The following FOXP1 variants were observed in gnomAD, a reference collection of about 807,000 sequenced individuals.
FOXP1 encodes the protein forkhead box P1, also known as forkhead box protein P1.
FOXP1 carries 15 observed loss-of-function variants against 98.2 expected under a neutral mutation model. The ratio of observed to expected loss-of-function variants is 0.15; its 90% CI spans 0.10 to 0.24. The LOEUF (loss-of-function observed/expected upper bound fraction) is 0.24, where lower values mean the gene tolerates loss of function less well. Among genes scored for constraint, FOXP1 ranks in the 10% least tolerant of loss-of-function variants. The pLI is 1.00. For missense variants in FOXP1, 633 were observed against 848.5 expected (o/e 0.75, Z 3.15); for synonymous variants, 371 against 314.5 (o/e 1.18, Z -1.90).
chr3:71,551,834 T>A (rs1466896909), intron 2 of FOXP1, among the ~76,000 whole-genome samples: 1 of 152,198 alleles, frequency 6.6e-6, no homozygotes, highest in African/African-American at 2.4e-5. Context: ...ATGGAAAGAA[T>A]TTAAAGGATG....
At chr3:71,277,611 A>G (rs1460664033) in intron 5 of FOXP1, among the ~76,000 whole-genome samples, 1 of 152,060 alleles carries the variant, frequency 6.6e-6, no homozygotes. Flanking sequence ...TATTCCAGCC[A>G]TGCAGGCCTT....
chr3:71,146,906 T>A lies in FOXP1; in HGVS notation c.181-34269A>T, dbSNP rs2060337030. ...TCTGAGCACAGCGCGGGGAACAATG[T>A]TAAGCCATCCATCACCAGCGAGCGC... On this transcript the variant is annotated intron_variant, in intron 6 of 20. Transcript: ENST00000649528. 3.3e-5 allele frequency among the ~76,000 whole-genome samples: 5 copies of A among 152,330 alleles called. No homozygotes were observed. In the South Asian group the frequency reaches 1.0e-3, roughly 32 times the overall value.
chr3:71,286,183 A>G (rs1298454464), intron 5 of FOXP1, among the ~76,000 whole-genome samples: 3 of 152,194 alleles, frequency 2.0e-5, no homozygotes, highest in Non-Finnish European at 4.4e-5. Context: ...ATGGGACCAC[A>G]GTCATATATG....
At chr3:71,244,504 A>G (rs1372232650) in intron 5 of FOXP1, among the ~76,000 whole-genome samples, 7 of 7,120 alleles carry the variant, frequency 9.8e-4, no homozygotes, top group African/African-American at 8.3e-3. Flanking sequence ...TGAAAAAGGG[A>G]AAAAAAAAAA....
At chr3:71,580,246 TG>T (rs2048057330) in intron 2 of FOXP1, among the ~76,000 whole-genome samples, 1 of 141,524 alleles carries the variant, frequency 7.1e-6, no homozygotes, top group Non-Finnish European at 1.5e-5. Context: ...CTAAGGGGGG[TG>T]GGGGATGCAG....
At chr3:71,135,025 G>A (rs564516059) in intron 6 of FOXP1, among the ~76,000 whole-genome samples, 5 of 152,150 alleles carry the variant, frequency 3.3e-5, no homozygotes, top group African/African-American at 7.2e-5. Context: ...TTGGGAGGCC[G>A]AGGTGGGCGG....
intron 7 of FOXP1, among the ~76,000 whole-genome samples, chr3:71,095,200 C>A (rs1480484765): frequency 6.6e-6 from 1 of 152,124 alleles, no homozygotes; most frequent in Non-Finnish European, 1.5e-5. Context: ...GTTCATAAGT[C>A]AAAAAATATA....
chr3:70,968,508 T>C (rs1258898073), intron 19 of FOXP1: 1 of 152,100 alleles, frequency 6.6e-6, no homozygotes, highest in Non-Finnish European at 1.5e-5. Context: ...GTTGCTTAAG[T>C]AATGGTGCAG....
intron 5 of FOXP1, among the ~76,000 whole-genome samples, chr3:71,198,757 A>G (rs1223643863): frequency 1.3e-5 from 2 of 151,906 alleles, no homozygotes; most frequent in African/African-American, 2.4e-5. Context: ...CAGCGGTGCA[A>G]TCTCGGCTCA....
chr3:71,348,561 G>GCA lies in FOXP1; in HGVS notation c.-73+10587_-73+10588dup, dbSNP rs755611129. ...TGTGTGTGTGTGTGCGTGCGCGCGCGCACGCATATGCATGTGTGTATAAGT... is the reference window on the plus strand; with the variant it reads ...TGTGTGTGTGTGTGCGTGCGCGCGCGCACACGCATATGCATGTGTGTATAAGT... On this transcript the variant is annotated intron_variant, in intron 4 of 20. Transcript: ENST00000649528. Among the ~76,000 whole-genome samples the GCA allele has an allele frequency of 5.9e-3, 837 of 140,722 alleles. 8 individuals are homozygous for GCA. The highest frequency in any genetic ancestry group is 8.7e-3 in the Non-Finnish European group (534 of 61,440). The allele number at this position is 140,722 out of a possible 152,430, so 92.3% of individuals were successfully genotyped here.
At chr3:71,260,441 T>G (rs544619995) in intron 5 of FOXP1, among the ~76,000 whole-genome samples, 1 of 152,362 alleles carries the variant, frequency 6.6e-6, no homozygotes, top group African/African-American at 2.4e-5. Context: ...GCTTTACACT[T>G]TACGATGAAG....
At chr3:71,274,581 T>G (rs929784305) in intron 5 of FOXP1, among the ~76,000 whole-genome samples, 2 of 152,222 alleles carry the variant, frequency 1.3e-5, no homozygotes, top group Non-Finnish European at 2.9e-5. Context: ...AAGTCTCTTT[T>G]TGCTTGAGCC....
chr3:71,476,293 C>G (rs1451612641), intron 3 of FOXP1, among the ~76,000 whole-genome samples: 2 of 151,418 alleles, frequency 1.3e-5, no homozygotes, highest in Non-Finnish European at 2.9e-5. Flanking sequence ...ATAAATTCAT[C>G]AAGTTCTTTT....
intron 6 of FOXP1, among the ~76,000 whole-genome samples, chr3:71,140,738 G>A (rs1490032186): frequency 1.3e-5 from 2 of 152,090 alleles, no homozygotes; most frequent in African/African-American, 4.8e-5. Flanking sequence ...ACTGTCTGGA[G>A]GTGAAGCTTA....
chr3:71,011,108 C>G (rs2043543089), intron 12 of FOXP1, among the ~76,000 whole-genome samples: 2 of 152,130 alleles, frequency 1.3e-5, no homozygotes, highest in Admixed American at 1.3e-4. Flanking sequence ...AACTGAAATC[C>G]TGAATTTGTT....
At chr3:71,320,419 TC>T (rs1474644381) in intron 4 of FOXP1, among the ~76,000 whole-genome samples, 1 of 151,896 alleles carries the variant, frequency 6.6e-6, no homozygotes, top group Non-Finnish European at 1.5e-5. Context: ...CAGTCTTGTC[TC>T]TAAGCCGCTG....
chr3:70,989,478 C>T (rs1489543077), intron 13 of FOXP1, among the ~76,000 whole-genome samples: 1 of 152,044 alleles, frequency 6.6e-6, no homozygotes, highest in Non-Finnish European at 1.5e-5. Context: ...TATTGAACAG[C>T]CAAACTAAAA....
At chr3:71,398,337 G>C (rs966303458) in intron 3 of FOXP1, among the ~76,000 whole-genome samples, 1 of 152,060 alleles carries the variant, frequency 6.6e-6, no homozygotes, top group Non-Finnish European at 1.5e-5. Context: ...TTTTAAAACA[G>C]TGCTGGGATT....
intron 7 of FOXP1, among the ~76,000 whole-genome samples, chr3:71,102,834 C>T (rs2057085635): frequency 6.6e-6 from 1 of 152,094 alleles, no homozygotes; most frequent in Non-Finnish European, 1.5e-5. Context: ...AAAGCATAGA[C>T]TCTTGAGCCA....
Sources: gnomAD v4.1 joint callset for allele counts (sites outside exome capture counted in the v4.1 genomes callset) on GRCh38, gnomAD v4.1.1 for gene constraint, MANE v1.5 for transcripts, NCBI Gene and HGNC (gene_info 2026-07-23, HGNC 2026-07-21) for gene names.